CFAP97D2: variants seen among roughly 807,000 people sequenced by gnomAD.
CFAP97D2 encodes the protein uncharacterized protein CFAP97D2.
In CFAP97D2 at chr13:114,185,462, G is replaced by A. The variant is rs1399104282; in HGVS notation, c.90+6042G>A. The stretch of plus-strand genomic sequence containing the variant: ...GAGCCTGTGGGAGCCAGGAATGAGT[G>A]GGAGCCCCACCCCTTCTGAGTTGGC... On this transcript the variant is annotated intron_variant, in intron 1 of 4. Coordinates refer to ENST00000646158, the Ensembl canonical transcript of CFAP97D2. This position sits in a 1 kb window ranked among gnomAD's most constrained non-coding sequence, Gnocchi z 5.2. Among the ~76,000 whole-genome samples the A allele has an allele frequency of 1.3e-5, 2 of 152,304 alleles. No individual in the cohort carries two copies. Among genetic ancestry groups the A allele is most frequent in the South Asian group, 2.1e-4 (1 of 4,818 alleles).
At chr13:114,213,516 A>C (rs9562154) in intron 4 of CFAP97D2, among the ~76,000 whole-genome samples, 34,374 of 72,708 alleles carry the variant, frequency 0.47, 6,576 homozygotes, top group East Asian at 0.66. Flanking sequence ...GCTCCAGGCC[A>C]ATGAACCCCA....
At chr13:114,194,413 C>T (rs1438764353) in intron 1 of CFAP97D2, among the ~76,000 whole-genome samples, 1 of 152,138 alleles carries the variant, frequency 6.6e-6, no homozygotes, top group African/African-American at 2.4e-5. Flanking sequence ...CTGGATTTCT[C>T]ATAGCAAATT....
At position 114,185,285 on chromosome 13, in the gene CFAP97D2, T is replaced by G. The variant is rs940300240; in HGVS notation, c.90+5865T>G. Among the ~76,000 whole-genome samples, 2 of 152,120 alleles carry G rather than the reference T, an allele frequency of 1.3e-5. No homozygotes were observed. The highest frequency in any genetic ancestry group is 2.4e-5 in the African/African-American group (1 of 41,430). ...GGGAGCCCCCTGGAACCTGTCACCC[T>G]AAGAGCCGCTGTGATGGAGCCAGGC... On this transcript the variant is annotated intron_variant, in intron 1 of 4. Transcript: ENST00000646158. This position sits in a 1 kb window ranked among gnomAD's most constrained non-coding sequence, Gnocchi z 5.2.
chr13:114,210,432 G>A (rs2080961712), intron 3 of CFAP97D2, among the ~76,000 whole-genome samples: 1 of 152,154 alleles, frequency 6.6e-6, no homozygotes, highest in Non-Finnish European at 1.5e-5. Context: ...TAAAATGTCA[G>A]TTTAGTTTGA....
intron 1 of CFAP97D2, among the ~76,000 whole-genome samples, chr13:114,180,427 C>T (rs1013994639): frequency 4.6e-5 from 7 of 152,154 alleles, no homozygotes; most frequent in Non-Finnish European, 1.0e-4. Flanking sequence ...CTTTGAGGTC[C>T]CCACTGGGAA....
chr13:114,217,009 T>G (rs918006287), intron 4 of CFAP97D2, among the ~76,000 whole-genome samples: 2 of 152,234 alleles, frequency 1.3e-5, no homozygotes, highest in African/African-American at 4.8e-5. Context: ...GGTATCTCAT[T>G]GTGGTTTTGA....
intron 1 of CFAP97D2, among the ~76,000 whole-genome samples, chr13:114,196,181 T>C (rs2080886419): frequency 6.6e-6 from 1 of 152,022 alleles, no homozygotes; most frequent in Admixed American, 6.5e-5. Context: ...CTTAATTCTG[T>C]CTTTTAAAAG....
At chr13:114,182,129 A>C (rs574855317) in intron 1 of CFAP97D2, among the ~76,000 whole-genome samples, 5 of 148,244 alleles carry the variant, frequency 3.4e-5, no homozygotes, top group Admixed American at 6.7e-5. Flanking sequence ...AAAGGAAAGT[A>C]GTAGGAGAGC....
chr13:114,206,382 C>T (rs915244186), intron 3 of CFAP97D2, among the ~76,000 whole-genome samples: 2 of 152,182 alleles, frequency 1.3e-5, no homozygotes, highest in African/African-American at 4.8e-5. Context: ...GGATTACAGG[C>T]GTGAGCCACC....
rs1168633324 is a variant in CFAP97D2 at position 114,187,919 on chromosome 13, A to G, written c.91-8477A>G. On this transcript the variant is annotated intron_variant, in intron 1 of 4. Coordinates refer to ENST00000646158, the Ensembl canonical transcript of CFAP97D2. The surrounding 1 kb of genome is among the most constrained non-coding windows in gnomAD (Gnocchi z 4.2). ...ATACAATATCTACTCTTAGACCACA[A>G]TGGAATTAAACTAGAAGTCAATAAC... Among the ~76,000 whole-genome samples, 5 of 152,190 alleles carry G rather than the reference A, an allele frequency of 3.3e-5. No homozygotes were observed. The highest frequency in any genetic ancestry group is 5.9e-5 in the Non-Finnish European group (4 of 68,038).
At chr13:114,202,963 G>A (rs886884274) in intron 3 of CFAP97D2, among the ~76,000 whole-genome samples, 2 of 151,944 alleles carry the variant, frequency 1.3e-5, no homozygotes, top group Non-Finnish European at 2.9e-5. Flanking sequence ...TTCCCACTCC[G>A]AGCTCCAGGG....
chr13:114,219,097 G>A (rs889490255), intron 4 of CFAP97D2, among the ~76,000 whole-genome samples: 2 of 152,208 alleles, frequency 1.3e-5, no homozygotes, highest in East Asian at 1.9e-4. Flanking sequence ...GGCAACCTAC[G>A]GAATGGGAGA....
At chr13:114,214,781 C>T (rs548535771) in intron 4 of CFAP97D2, among the ~76,000 whole-genome samples, 2 of 152,134 alleles carry the variant, frequency 1.3e-5, no homozygotes, top group Non-Finnish European at 2.9e-5. Context: ...AAAATGGAGT[C>T]CTACTCTACG....
chr13:114,216,433 C>T (rs1248242387), intron 4 of CFAP97D2, among the ~76,000 whole-genome samples: 1 of 152,040 alleles, frequency 6.6e-6, no homozygotes, highest in Non-Finnish European at 1.5e-5. Flanking sequence ...AATGCTATCC[C>T]TCCCCACTCC....
At chr13:114,210,888 A>ACACACACC in intron 3 of CFAP97D2, among the ~76,000 whole-genome samples, 1 of 151,680 alleles carries the variant, frequency 6.6e-6, no homozygotes, top group Admixed American at 6.6e-5. Context: ...ACACACACAC[A>ACACACACC]CACTTTAATG....
At chr13:114,202,410 A>T (rs1016606229) in intron 3 of CFAP97D2, among the ~76,000 whole-genome samples, 4 of 152,234 alleles carry the variant, frequency 2.6e-5, no homozygotes, top group African/African-American at 9.6e-5. Context: ...ACTTTTGAAA[A>T]TGGTTAAAAC....
Position 114,189,387 on chromosome 13 carries a change from C to A in CFAP97D2, c.91-7009C>A, listed in dbSNP as rs1432645928. Among the ~76,000 whole-genome samples, 1 of 152,102 alleles carries A rather than the reference C, an allele frequency of 6.6e-6. No homozygotes were observed. Among genetic ancestry groups the A allele is most frequent in the African/African-American group, 2.4e-5 (1 of 41,406 alleles). ...CACTGGGCCCAGATGGGTTCATTGG[C>A]AAATTCTATTAAACATTTAAGGAAG... On this transcript the variant is annotated intron_variant, in intron 1 of 4. Transcript: ENST00000646158. This position sits in a 1 kb window ranked among gnomAD's most constrained non-coding sequence, Gnocchi z 4.5.
At chr13:114,188,447 AT>A (rs1300027712) in intron 1 of CFAP97D2, among the ~76,000 whole-genome samples, 1 of 152,114 alleles carries the variant, frequency 6.6e-6, no homozygotes, top group Non-Finnish European at 1.5e-5. Flanking sequence ...AAGAAGAAAG[AT>A]CTAAAATCAA....
At chr13:114,210,688 G>A (rs1337024258) in intron 3 of CFAP97D2, among the ~76,000 whole-genome samples, 1 of 152,086 alleles carries the variant, frequency 6.6e-6, no homozygotes, top group Admixed American at 6.6e-5. Context: ...CAGCCCTGTT[G>A]TCACTCCTGA....
Sources: gnomAD v4.1 joint callset for allele counts (sites outside exome capture counted in the v4.1 genomes callset) on GRCh38, gnomAD v4.1.1 for gene constraint, Gnocchi (gnomAD v3.1) non-coding constraint, MANE v1.5 for transcripts, NCBI Gene and HGNC (gene_info 2026-07-23, HGNC 2026-07-21) for gene names.